Variants in RGL1 observed in about 807,000 individuals in gnomAD.
The protein encoded by RGL1 is ral guanine nucleotide dissociation stimulator like 1, also known as ral guanine nucleotide dissociation stimulator-like 1.
Under a neutral mutation model 95.2 loss-of-function variants are expected in RGL1, and 24 were observed. The ratio of observed to expected loss-of-function variants is 0.25; its 90% confidence interval spans 0.18 to 0.35. The LOEUF (loss-of-function observed/expected upper bound fraction) is 0.35, where lower values mean the gene tolerates loss of function less well. RGL1 is among the 10% of genes least tolerant of loss of function. RGL1 has a pLI of 1.00. For synonymous variants in RGL1, 329 were observed against 344.9 expected (o/e 0.95, Z 0.51); for missense variants, 715 against 936.3 (o/e 0.76, Z 3.08).
At chr1:183,768,260 T>C (rs1467323186) in intron 2 of RGL1, among the ~76,000 whole-genome samples, 1 of 152,056 alleles carries the variant, frequency 6.6e-6, no homozygotes, top group Non-Finnish European at 1.5e-5. Flanking sequence ...AGTTATTTTA[T>C]TTTAGGACAA....
At chr1:183,904,800 CT>C in intron 12 of RGL1, 49 bp from the exon 13 acceptor site, 1 of 1,549,200 alleles carries the variant, frequency 6.5e-7, no homozygotes, top group South Asian at 1.2e-5. Flanking sequence ...TTTGGTTGGC[CT>C]TATTATTCAG....
At position 183,756,159 on chromosome 1, in the gene RGL1, A is replaced by G. The variant is rs541391247; in HGVS notation, c.132+13870A>G. Among the ~76,000 whole-genome samples, 5 of 151,408 alleles carry G rather than the reference A, an allele frequency of 3.3e-5. No individual in the cohort carries two copies. In the East Asian group the frequency reaches 9.7e-4, roughly 30 times the overall value. ...CTCGGCCTCCCAAAGTGCTGGGAAT[A>G]AAGGTGTGAGCCACTGCGCCTGGCC... On this transcript the variant is annotated intron_variant, in intron 2 of 18. Transcript: ENST00000304685.
rs942467079 is a variant in RGL1 at position 183,884,845 on chromosome 1, C to G, written c.858C>G (p.Leu286=). 2 of 1,614,028 alleles carry G rather than the reference C, an allele frequency of 1.2e-6. No homozygotes were observed. The highest frequency in any genetic ancestry group is 1.7e-6 in the Non-Finnish European group (2 of 1,180,000). Residue 286 remains leucine, a synonymous_variant, in exon 7 of 18, where the codon CTC becomes CTG. Transcript: ENST00000360851. ...CCACCATCTCTCAGTTTAATACCCT[C>G]ACCAAATGTGTTGTCAGCACCATCC... ...IRATISQFNT[L]TKCVVSTILG... is the part of the protein sequence containing the mutation.
intron 1 of RGL1, among the ~76,000 whole-genome samples, chr1:183,693,742 A>C (rs570204213): frequency 5.9e-5 from 9 of 152,106 alleles, no homozygotes; most frequent in Non-Finnish European, 1.2e-4. Context: ...TGTAGTGCCT[A>C]CACTACCTGT....
In RGL1 at chr1:183,928,118, G is replaced by A. The variant is rs1375479303; in HGVS notation, c.*1826G>A. Reference sequence around the variant, plus strand: ...TGGCCAGGGTGGCAGCCCTCATGCAGGTTGAAGTATATGTAGCCTCAGCCT... The same window carrying A: ...TGGCCAGGGTGGCAGCCCTCATGCAAGTTGAAGTATATGTAGCCTCAGCCT... On this transcript the variant is annotated 3_prime_UTR_variant, in exon 18 of 18. Transcript: ENST00000360851. 6.6e-6 allele frequency: 1 copy of A among 151,980 alleles called. No homozygotes were observed. The highest frequency in any genetic ancestry group is 1.5e-5 in the Non-Finnish European group (1 of 67,952). The allele number at this position is 151,980 out of a possible 1,614,324, so 9.4% of individuals were successfully genotyped here. A position where few individuals can be genotyped will look rare whatever the true frequency, so the allele number is the denominator to read the frequency against.
chr1:183,786,540 A>T (rs1464498870), intron 2 of RGL1, among the ~76,000 whole-genome samples: 2 of 152,214 alleles, frequency 1.3e-5, no homozygotes, highest in Non-Finnish European at 2.9e-5. Flanking sequence ...TGTTCCAATG[A>T]GCATTCCCTT....
intron 2 of RGL1, among the ~76,000 whole-genome samples, chr1:183,822,523 C>T (rs1662559621): frequency 1.3e-5 from 2 of 152,106 alleles, no homozygotes; most frequent in Non-Finnish European, 2.9e-5. Context: ...CTCTACTTTG[C>T]TTGAGTATTT....
chr1:183,855,813 GA>G (rs1665104497), intron 3 of RGL1, among the ~76,000 whole-genome samples: 1 of 152,098 alleles, frequency 6.6e-6, no homozygotes, highest in East Asian at 1.9e-4. Flanking sequence ...CTCATAATTT[GA>G]TTTTTTTCTA....
At chr1:183,886,235 T>A (rs1448182109) in intron 7 of RGL1, among the ~76,000 whole-genome samples, 1 of 152,170 alleles carries the variant, frequency 6.6e-6, no homozygotes, top group Non-Finnish European at 1.5e-5. Context: ...GACTTCTTAG[T>A]GTATTATGAA....
At chr1:183,824,334 C>A (rs796425932) in intron 2 of RGL1, among the ~76,000 whole-genome samples, 2 of 152,206 alleles carry the variant, frequency 1.3e-5, no homozygotes, top group African/African-American at 4.8e-5. Context: ...GTTATTTATC[C>A]GGCCCTGGAG....
chr1:183,683,369 A>C (rs543349922), intron 1 of RGL1, among the ~76,000 whole-genome samples: 1 of 152,298 alleles, frequency 6.6e-6, no homozygotes, highest in South Asian at 2.1e-4. Flanking sequence ...GGTGGTGACA[A>C]AATCTCTCAG....
chr1:183,639,282 CAAAAAAAAAA>C (rs1306405130), intron 1 of RGL1, among the ~76,000 whole-genome samples: 1 of 70,844 alleles, frequency 1.4e-5, no homozygotes, highest in African/African-American at 4.6e-5. Flanking sequence ...CACTTCATCT[CAAAAAAAAAA>C]AAAAAAGAAA....
Position 183,696,919 on chromosome 1 carries a change from C to G in RGL1, c.-32-45207C>G, listed in dbSNP as rs116871054. On this transcript the variant is annotated intron_variant, in intron 1 of 18. Transcript: ENST00000304685. ...ACCTAAGCCACATCATTCTCTAGAG[C>G]TTGAACTATTCTAGTTGCCTCCTAA... Among the ~76,000 whole-genome samples, 242 of 152,322 alleles carry G rather than the reference C, an allele frequency of 1.6e-3. 6 individuals carry two copies. The East Asian group carries it at 0.04, about 25-fold the overall frequency.
intron 1 of RGL1, among the ~76,000 whole-genome samples, chr1:183,738,905 GA>G (rs1657115478): frequency 6.6e-6 from 1 of 151,630 alleles, no homozygotes; most frequent in Non-Finnish European, 1.5e-5. Context: ...TGTCTCAAAA[GA>G]AAAAAAGAAA....
intron 2 of RGL1, among the ~76,000 whole-genome samples, chr1:183,775,447 T>G (rs1181189163): frequency 3.3e-5 from 5 of 152,252 alleles, no homozygotes; most frequent in Admixed American, 6.5e-5. Context: ...AATTGATGTT[T>G]GTTAAATGAA....
chr1:183,773,216 C>T (rs986321511), intron 2 of RGL1, among the ~76,000 whole-genome samples: 2 of 151,962 alleles, frequency 1.3e-5, no homozygotes, highest in African/African-American at 4.8e-5. Context: ...TTCTTTCCTT[C>T]TTTCTCTCCT....
intron 1 of RGL1, among the ~76,000 whole-genome samples, chr1:183,719,983 A>G (rs1175939647): frequency 6.6e-6 from 1 of 152,162 alleles, no homozygotes; most frequent in Non-Finnish European, 1.5e-5. Flanking sequence ...GTGAAGAGAA[A>G]AGCTGAATGA....
intron 2 of RGL1, among the ~76,000 whole-genome samples, chr1:183,756,192 A>ATTTTTTTT (rs34988129): frequency 7.1e-6 from 1 of 140,346 alleles, no homozygotes. Context: ...GCCTGAGTTC[A>ATTTTTTTT]TTTTTTTTTT....
At chr1:183,779,250 CTTCT>C (rs988816024) in intron 2 of RGL1, among the ~76,000 whole-genome samples, 6 of 137,780 alleles carry the variant, frequency 4.4e-5, no homozygotes, top group Admixed American at 7.9e-5. Flanking sequence ...CTTCCTTCCT[CTTCT>C]TTCTTTCTTA....
Sources: allele counts gnomAD v4.1 joint callset (sites outside exome capture counted in the v4.1 genomes callset), GRCh38; gene constraint gnomAD v4.1.1; transcripts MANE v1.5; gene names NCBI Gene and HGNC (gene_info 2026-07-23, HGNC 2026-07-21).